RIOK3: variants seen among roughly 807,000 people sequenced by gnomAD.
RIOK3 encodes RIO kinase 3.
In RIOK3, 40 loss-of-function variants were observed where a neutral mutation model predicts 63.5. That is an observed-to-expected ratio of 0.63 (90% confidence interval 0.49 to 0.82). The LOEUF (loss-of-function observed/expected upper bound fraction) is 0.82. RIOK3 is among the 40% of genes least tolerant of loss of function. RIOK3 has a pLI of 0.00. For missense variants in RIOK3, 557 were observed against 637.0 expected, an observed-to-expected ratio of 0.87 and a Z score of 1.35; for synonymous variants, 193 against 205.0, an observed-to-expected ratio of 0.94 and a Z score of 0.50.
intron 7 of RIOK3, among the ~76,000 whole-genome samples, chr18:23,468,183 T>C (rs1487995418): frequency 6.6e-6 from 1 of 152,168 alleles, no homozygotes; most frequent in Non-Finnish European, 1.5e-5. Flanking sequence ...TATTTAATTA[T>C]GATTAAGTTG....
At chr18:23,477,865 T>G (rs2057503613) in intron 11 of RIOK3, among the ~76,000 whole-genome samples, 1 of 149,904 alleles carries the variant, frequency 6.7e-6, no homozygotes, top group African/African-American at 2.5e-5. Flanking sequence ...AGGTCAGGAG[T>G]TCAAGACCAG....
intron 7 of RIOK3, among the ~76,000 whole-genome samples, chr18:23,468,062 G>A (rs1025569476): frequency 6.6e-6 from 1 of 152,150 alleles, no homozygotes; most frequent in Admixed American, 6.5e-5. Flanking sequence ...ACAGGCGTGA[G>A]CCACTGCTTC....
intron 11 of RIOK3, 39 bp downstream of exon 11, chr18:23,477,307 T>A: frequency 6.8e-7 from 1 of 1,469,414 alleles, no homozygotes; most frequent in Non-Finnish European, 9.5e-7. Flanking sequence ...TTGTTGGATG[T>A]AACAGCTGCA....
chr18:23,477,550 T>A (rs1313715556), intron 11 of RIOK3, among the ~76,000 whole-genome samples: 1 of 146,090 alleles, frequency 6.8e-6, no homozygotes, highest in East Asian at 2.1e-4. Flanking sequence ...GATCATTTGA[T>A]GTCAGAGGTT....
intron 1 of RIOK3, among the ~76,000 whole-genome samples, chr18:23,458,873 A>G (rs142965431): frequency 6.6e-6 from 1 of 152,302 alleles, no homozygotes; most frequent in Non-Finnish European, 1.5e-5. Flanking sequence ...AGGGCTTTTA[A>G]TTGTTGGCTT....
chr18:23,469,161 T>C (rs1382633092), intron 7 of RIOK3, among the ~76,000 whole-genome samples: 1 of 152,180 alleles, frequency 6.6e-6, no homozygotes, highest in African/African-American at 2.4e-5. Flanking sequence ...TGGGAATGAC[T>C]AGACCATCAC....
intron 2 of RIOK3, 81 bp downstream of exon 2, chr18:23,463,160 GT>G: frequency 1.1e-6 from 1 of 920,872 alleles, no homozygotes; most frequent in Non-Finnish European, 1.7e-6. Flanking sequence ...ATGACAAGTG[GT>G]TTGGAAAAAG....
chr18:23,455,844 C>T (rs1160209751), intron 1 of RIOK3, among the ~76,000 whole-genome samples: 1 of 152,042 alleles, frequency 6.6e-6, no homozygotes, highest in Admixed American at 6.6e-5. Flanking sequence ...TGTCACCAGG[C>T]TGGAGAGCAG....
chr18:23,464,778 CTG>C (rs45602235), intron 5 of RIOK3, 150 bp downstream of exon 5: 7,135 of 446,194 alleles, frequency 0.016, 91 homozygotes, highest in Middle Eastern at 0.024. Flanking sequence ...ATCATGGAAA[CTG>C]AGACATTAAT....
intron 1 of RIOK3, among the ~76,000 whole-genome samples, chr18:23,462,466 C>T (rs2057378557): frequency 6.6e-6 from 1 of 152,180 alleles, no homozygotes; most frequent in South Asian, 2.1e-4. Context: ...TTTAGCATAT[C>T]CTAAGATGTT....
At chr18:23,471,293 T>C (rs2145692478) in intron 7 of RIOK3, among the ~76,000 whole-genome samples, 1 of 152,204 alleles carries the variant, frequency 6.6e-6, no homozygotes. Context: ...AAAGATCAGG[T>C]GGATGGGCAT....
At position 23,481,156 on chromosome 18, in the gene RIOK3, T is replaced by C. The variant is rs1567902162; in HGVS notation, c.1453-16T>C. On this transcript the variant is annotated splice_polypyrimidine_tract_variant and intron_variant, in intron 12 of 12. Coordinates refer to ENST00000339486, the MANE Select transcript of RIOK3 (RefSeq NM_003831.5). The stretch of plus-strand genomic sequence containing the variant: ...GTAGGATTTTGACAAATGGATTCAA[T>C]GTATTATTTTTGTAGATAGAAGCTT... The C allele has an allele frequency of 2.0e-6, 3 of 1,488,950 alleles. No individual in the cohort carries two copies. The highest frequency in any genetic ancestry group is 2.3e-5 in the East Asian group (1 of 44,246). 92.2% of individuals were successfully genotyped at this position (1,488,950 alleles called of 1,614,324 possible). A position where few individuals can be genotyped will look rare whatever the true frequency, so the allele number is the denominator to read the frequency against.
chr18:23,460,183 C>T (rs769170818), intron 1 of RIOK3, among the ~76,000 whole-genome samples: 1 of 152,232 alleles, frequency 6.6e-6, no homozygotes, highest in Non-Finnish European at 1.5e-5. Context: ...TCATAGGGCT[C>T]AAATGATCCA....
chr18:23,464,455 C>T (rs2057392750), intron 4 of RIOK3, 64 bp from the exon 5 acceptor site: 16 of 1,221,596 alleles, frequency 1.3e-5, no homozygotes, highest in East Asian at 7.0e-5. Flanking sequence ...TTTCAGACAA[C>T]GTTGAATGCA....
At chr18:23,456,874 A>G (rs1036844972) in intron 1 of RIOK3, among the ~76,000 whole-genome samples, 4 of 152,230 alleles carry the variant, frequency 2.6e-5, no homozygotes, top group Non-Finnish European at 5.9e-5. Context: ...ATTGTAGCAG[A>G]TATAAGTGAA....
In RIOK3 at chr18:23,464,638, AG is replaced by A; in HGVS notation, c.543+11del. On this transcript the variant is annotated intron_variant, in intron 5 of 12. Transcript: ENST00000339486. ...AGCAAGAATGGAAAATGTAAGTTAC[AG>A]AAAGTATCTATCTCTGAATTTAGAG... 6.6e-7 allele frequency: 1 copy of A among 1,508,714 alleles called. No individual in the cohort carries two copies. Among genetic ancestry groups the A allele is most frequent in the South Asian group, 1.2e-5 (1 of 82,436 alleles). The allele number at this position is 1,508,714 out of a possible 1,614,324, so 93.5% of individuals were successfully genotyped here.
chr18:23,481,326 T>C lies in RIOK3; in HGVS notation c.*47T>C. 1 of 1,180,302 alleles carries C rather than the reference T, an allele frequency of 8.5e-7. No individual in the cohort carries two copies. The allele number at this position is 1,180,302 out of a possible 1,614,324, so 73.1% of individuals were successfully genotyped here. A position where few individuals can be genotyped will look rare whatever the true frequency, so the allele number is the denominator to read the frequency against. ...TGTTAACACAGCAGTGATTGTCAGC[T>C]GCCAATAGCAAATGAAGTTATGGGT... On this transcript the variant is annotated 3_prime_UTR_variant, in exon 13 of 13. Transcript: ENST00000339486.
chr18:23,478,180 G>T (rs2057506321), intron 11 of RIOK3, among the ~76,000 whole-genome samples: 2 of 152,138 alleles, frequency 1.3e-5, no homozygotes, highest in Admixed American at 6.6e-5. Flanking sequence ...ACAGAAGCTG[G>T]TGTGCCTGTA....
chr18:23,462,142 A>ATTTT (rs368584198), intron 1 of RIOK3, among the ~76,000 whole-genome samples: 13,808 of 112,720 alleles, frequency 0.12, 1,170 homozygotes, highest in Middle Eastern at 0.16. Flanking sequence ...TGTTCTTGCT[A>ATTTT]TTTTTTTTTT....
Sources: allele counts gnomAD v4.1 joint callset (sites outside exome capture counted in the v4.1 genomes callset), GRCh38; gene constraint gnomAD v4.1.1; transcripts MANE v1.5; gene names NCBI Gene and HGNC (gene_info 2026-07-23, HGNC 2026-07-21).